ATP2A2: variants seen among roughly 807,000 people sequenced by gnomAD.
ATP2A2 encodes the protein ATPase sarcoplasmic/endoplasmic reticulum Ca2+ transporting 2.
ATP2A2 carries 14 observed loss-of-function variants against 109.3 expected under a neutral mutation model. That is an observed-to-expected ratio of 0.13 (90% CI 0.08 to 0.20). The LOEUF (loss-of-function observed/expected upper bound fraction) is 0.20. ATP2A2 is among the 10% of genes least tolerant of loss of function. ATP2A2 has a pLI of 1.00. For missense variants in ATP2A2, 657 were observed against 1,321.6 expected (o/e 0.50, Z 7.80); for synonymous variants, 506 against 490.9 (o/e 1.03, Z -0.41).
chr12:110,349,720 C>G lies in ATP2A2; in HGVS notation c.*3250C>G. 2 of 1,010,316 alleles carry G rather than the reference C, an allele frequency of 2.0e-6. No individual in the cohort carries two copies. Among genetic ancestry groups the G allele is most frequent in the Non-Finnish European group, 2.4e-6 (2 of 843,646 alleles). 62.6% of individuals were successfully genotyped at this position (1,010,316 alleles called of 1,614,324 possible). ...CCAGAGCATACCACGTCTGCAGTGC[C>G]TGTGAGCAGAGCCAGCAGTTGCCCT... On this transcript the variant is annotated 3_prime_UTR_variant, in exon 20 of 20. Coordinates refer to ENST00000539276, the MANE Select transcript of ATP2A2 (RefSeq NM_170665.4).
At chr12:110,321,143 G>A (rs766938343) in intron 5 of ATP2A2, among the ~76,000 whole-genome samples, 20 of 152,360 alleles carry the variant, frequency 1.3e-4, no homozygotes, top group Middle Eastern at 6.8e-3. Context: ...CAGGGGAATC[G>A]CTTGAACCCG....
At chr12:110,334,912 A>G (rs1350837994) in intron 11 of ATP2A2, among the ~76,000 whole-genome samples, 1 of 152,168 alleles carries the variant, frequency 6.6e-6, no homozygotes, top group Non-Finnish European at 1.5e-5. Flanking sequence ...AACTCATTTG[A>G]TGAGACCAGC....
At chr12:110,306,282 A>G (rs1186340600) in intron 5 of ATP2A2, among the ~76,000 whole-genome samples, 2 of 152,026 alleles carry the variant, frequency 1.3e-5, no homozygotes, top group African/African-American at 2.4e-5. Flanking sequence ...CTCGTGATCC[A>G]CCCGCCTTGG....
chr12:110,319,191 A>G (rs959811840), intron 5 of ATP2A2, among the ~76,000 whole-genome samples: 11 of 146,778 alleles, frequency 7.5e-5, no homozygotes, highest in African/African-American at 2.0e-4. Flanking sequence ...CCTGGGTGAC[A>G]GAGTGAGACC....
chr12:110,293,377 T>C (rs184287715), intron 4 of ATP2A2, among the ~76,000 whole-genome samples: 1 of 118,854 alleles, frequency 8.4e-6, no homozygotes, highest in African/African-American at 3.5e-5. Context: ...CTTTTTTTTT[T>C]TTTTTTTTTT....
rs1285334700 is a variant in ATP2A2, at chr12:110,291,943, G to A, written c.220-77G>A. 20 of 1,307,742 alleles carry A rather than the reference G, an allele frequency of 1.5e-5. No individual in the cohort carries two copies. In the East Asian group the frequency reaches 2.3e-4, roughly 15 times the overall value. The allele number at this position is 1,307,742 out of a possible 1,614,324, so 81.0% of individuals were successfully genotyped here. On this transcript the variant is annotated intron_variant, in intron 3 of 19. Transcript: ENST00000539276. ...ATTACAGGCCTGAGCCACCATGCTC[G>A]GCCAGTGCTAGCCACTTTTTAAAAA...
chr12:110,342,211 A>G lies in ATP2A2; in HGVS notation c.2098-17A>G. ...GGCATGCCAGTTGGCTGACCCAACC[A>G]TTGCTTTCCCTTTCAGACTGGCGAT... On this transcript the variant is annotated splice_polypyrimidine_tract_variant and intron_variant, in intron 14 of 19. Coordinates refer to ENST00000539276, the MANE Select transcript of ATP2A2 (RefSeq NM_170665.4). The surrounding 1 kb of genome is among the most constrained non-coding windows in gnomAD (Gnocchi z 4.6). The G allele has an allele frequency of 1.2e-6, 2 of 1,614,160 alleles. No individual in the cohort carries two copies. Among genetic ancestry groups the G allele is most frequent in the South Asian group, 1.1e-5 (1 of 91,088 alleles).
Position 110,350,458 on chromosome 12 carries a change from A to G in ATP2A2, c.*3988A>G. ...ACTCACTTTGTGTTATGTGGAGGAA[A>G]TGTGTATTACCAATGGGGTTGTTAG... On this transcript the variant is annotated 3_prime_UTR_variant, in exon 20 of 20. Coordinates refer to ENST00000539276, the MANE Select transcript of ATP2A2 (RefSeq NM_170665.4). 1 of 1,202,272 alleles carries G rather than the reference A, an allele frequency of 8.3e-7. No homozygotes were observed. Among genetic ancestry groups the G allele is most frequent in the Non-Finnish European group, 1.2e-6 (1 of 823,400 alleles). 74.5% of individuals were successfully genotyped at this position (1,202,272 alleles called of 1,614,324 possible). A position where few individuals can be genotyped will look rare whatever the true frequency, so the allele number is the denominator to read the frequency against.
In ATP2A2 at chr12:110,286,118, T is replaced by A. The variant is rs527834743; in HGVS notation, c.219+3323T>A. On this transcript the variant is annotated intron_variant, in intron 3 of 19. Coordinates refer to ENST00000539276, the MANE Select transcript of ATP2A2 (RefSeq NM_170665.4). ...TTTGTATTTTTAGTAGAGATGGGGTTTACCTTTGTTGGCCAGGCTGGTCTC... is the reference window on the plus strand; with the variant it reads ...TTTGTATTTTTAGTAGAGATGGGGTATACCTTTGTTGGCCAGGCTGGTCTC... 1.4e-4 allele frequency among the ~76,000 whole-genome samples: 22 copies of A among 152,200 alleles called. No homozygotes were observed. In the East Asian group the frequency reaches 4.2e-3, roughly 29 times the overall value.
In ATP2A2 at chr12:110,343,257, T is replaced by C; in HGVS notation, c.2344T>C (p.Phe782Leu). 1.2e-6 allele frequency: 2 copies of C among 1,614,174 alleles called. No homozygotes were observed. Among genetic ancestry groups the C allele is most frequent in the Non-Finnish European group, 1.7e-6 (2 of 1,180,046 alleles). Residue 782 changes from phenylalanine (F) to leucine (L), a missense_variant, in exon 16 of 20, where the codon TTT becomes CTT. This residue lies in a region of ATP2A2 where 50 missense variants were observed against 176.9 expected (regional missense o/e 0.28). Transcript: ENST00000539276. ...TATTTTCCTGACAGCAGCCCTTGGA[T>C]TTCCCGAGGCTTTGATTCCTGTTCA... ...VCIFLTAALGFPEALIPVQLL... is the reference protein window; with the variant it reads ...VCIFLTAALGLPEALIPVQLL...
Position 110,346,565 on chromosome 12 carries a change from C to T in ATP2A2, c.*95C>T, listed in dbSNP as rs1592870031. 5 of 1,564,754 alleles carry T rather than the reference C, an allele frequency of 3.2e-6. No homozygotes were observed. The East Asian group carries it at 9.5e-5, about 30-fold the overall frequency. On this transcript the variant is annotated 3_prime_UTR_variant, in exon 20 of 20. Transcript: ENST00000539276. ...TATTTCTGCTGAATTTTCACATGAA[C>T]ATACTGGCTGGTGATGGAGGTTTCA...
In ATP2A2 at chr12:110,349,055, C is replaced by T. The variant is rs1880153749; in HGVS notation, c.*2585C>T. The stretch of plus-strand genomic sequence containing the variant: ...CTTCATGGTTTCTCAGCTTCAGACC[C>T]CTCCAGCCCACAGAGGAGCCCATGG... On this transcript the variant is annotated 3_prime_UTR_variant, in exon 20 of 20. Transcript: ENST00000539276. 8.1e-6 allele frequency: 8 copies of T among 985,488 alleles called. No homozygotes were observed. The highest frequency in any genetic ancestry group is 8.4e-6 in the Non-Finnish European group (7 of 829,998). 61.0% of individuals were successfully genotyped at this position (985,488 alleles called of 1,614,324 possible).
intron 4 of ATP2A2, 90 bp from the exon 5 acceptor site, chr12:110,296,509 A>G: frequency 6.5e-7 from 1 of 1,541,860 alleles, no homozygotes; most frequent in Admixed American, 1.7e-5. Flanking sequence ...TTCTTTTTAA[A>G]GATTAGACCT....
chr12:110,286,029 T>G (rs1203238986), intron 3 of ATP2A2, among the ~76,000 whole-genome samples: 1 of 152,024 alleles, frequency 6.6e-6, no homozygotes, highest in African/African-American at 2.4e-5. Flanking sequence ...GTTCAAGTGA[T>G]TCTCCTGCCT....
chr12:110,332,809 A>T lies in ATP2A2; in HGVS notation c.1184+124A>T, dbSNP rs1031259983. The stretch of plus-strand genomic sequence containing the variant: ...GTGGCTCAAGTCAACACTTATTACT[A>T]AAGTAGTAAATGTTTTTAAAACAAA... On this transcript the variant is annotated intron_variant, in intron 9 of 19. Transcript: ENST00000539276. 7 of 897,974 alleles carry T rather than the reference A, an allele frequency of 7.8e-6. No homozygotes were observed. In the Admixed American group the frequency reaches 1.2e-4, roughly 16 times the overall value. 55.6% of individuals were successfully genotyped at this position (897,974 alleles called of 1,614,324 possible).
intron 11 of ATP2A2, among the ~76,000 whole-genome samples, chr12:110,338,562 A>G (rs1879058975): frequency 6.6e-6 from 1 of 152,140 alleles, no homozygotes; most frequent in Non-Finnish European, 1.5e-5. Context: ...GGCTTTAAGC[A>G]GTTCTCCTGC....
chr12:110,299,149 T>C (rs567286953), intron 5 of ATP2A2, among the ~76,000 whole-genome samples: 1 of 152,178 alleles, frequency 6.6e-6, no homozygotes, highest in Admixed American at 6.5e-5. Flanking sequence ...GTTTTGTATT[T>C]TTTTGTAGAG....
At chr12:110,337,958 G>A (rs1878997023) in intron 11 of ATP2A2, among the ~76,000 whole-genome samples, 1 of 152,192 alleles carries the variant, frequency 6.6e-6, no homozygotes, top group Non-Finnish European at 1.5e-5. Flanking sequence ...TTTAGTTGTA[G>A]GTAACGATAT....
At chr12:110,312,625 G>A (rs1455333442) in intron 5 of ATP2A2, among the ~76,000 whole-genome samples, 1 of 151,934 alleles carries the variant, frequency 6.6e-6, no homozygotes, top group Non-Finnish European at 1.5e-5. Flanking sequence ...CAAGGCAGGC[G>A]GATCATTTGA....
Sources: gnomAD v4.1 joint callset for allele counts (sites outside exome capture counted in the v4.1 genomes callset) on GRCh38, gnomAD v4.1.1 for gene constraint, gnomAD v4.1.1 regional missense constraint, Gnocchi (gnomAD v3.1) non-coding constraint, MANE v1.5 for transcripts, NCBI Gene and HGNC (gene_info 2026-07-23, HGNC 2026-07-21) for gene names.